MAGI3: variants seen among roughly 807,000 people sequenced by gnomAD.
MAGI3 encodes the protein membrane associated guanylate kinase, WW and PDZ domain containing 3.
MAGI3 carries 43 observed loss-of-function variants against 121.8 expected under a neutral mutation model. That is an observed-to-expected ratio of 0.35 (90% CI 0.28 to 0.46). The LOEUF (loss-of-function observed/expected upper bound fraction) is 0.46. Ranked by LOEUF, MAGI3 falls within the 20% of genes least tolerant of loss-of-function variation. The probability of loss-of-function intolerance (pLI) is 1.00; values close to 1 mark genes in which losing one functional copy is unlikely to be tolerated. For synonymous variants in MAGI3, 553 were observed against 639.3 expected (o/e 0.86, Z 2.04); for missense variants, 1,547 against 1,797.3 (o/e 0.86, Z 2.52).
chr1:113,629,753 TCTCTCTCTCCCTCCCTCC>T (rs1297707649), intron 9 of MAGI3, among the ~76,000 whole-genome samples: 4 of 117,322 alleles, frequency 3.4e-5, no homozygotes, highest in Non-Finnish European at 5.3e-5. Context: ...TCTCTCTCTC[TCTCTCTCTCCCTCCCTCC>T]CTCCCTCCCT....
intron 9 of MAGI3, among the ~76,000 whole-genome samples, chr1:113,631,835 T>G (rs1651652410): frequency 6.6e-6 from 1 of 152,224 alleles, no homozygotes; most frequent in African/African-American, 2.4e-5. Context: ...TTTCTATAGT[T>G]TCCTAAAGCC....
At chr1:113,652,288 A>G (rs1653215134) in intron 14 of MAGI3, among the ~76,000 whole-genome samples, 1 of 152,198 alleles carries the variant, frequency 6.6e-6, no homozygotes, top group South Asian at 2.1e-4. Flanking sequence ...ATGAATTTTT[A>G]TTTGTGTAGT....
intron 9 of MAGI3, among the ~76,000 whole-genome samples, chr1:113,632,671 T>A (rs566083362): frequency 6.6e-6 from 1 of 152,346 alleles, no homozygotes; most frequent in East Asian, 1.9e-4. Context: ...GCCTTGTCAG[T>A]GTCTTCAATA....
intron 8 of MAGI3, among the ~76,000 whole-genome samples, chr1:113,620,604 A>C (rs772363517): frequency 9.9e-5 from 15 of 152,208 alleles, no homozygotes; most frequent in Non-Finnish European, 1.9e-4. Flanking sequence ...GAGTTTAACA[A>C]ATACTTTTGA....
chr1:113,605,192 G>A (rs140282749), intron 6 of MAGI3, among the ~76,000 whole-genome samples: 71 of 152,114 alleles, frequency 4.7e-4, no homozygotes, highest in African/African-American at 1.6e-3. Flanking sequence ...GACTTAACTA[G>A]AATGATTATG....
At chr1:113,655,363 A>G (rs896356464) in intron 15 of MAGI3, among the ~76,000 whole-genome samples, 1 of 152,148 alleles carries the variant, frequency 6.6e-6, no homozygotes. Context: ...TTCTAGCACT[A>G]CAGAAATTTG....
chr1:113,391,219 C>T lies in MAGI3; in HGVS notation c.186C>T (p.Gly62=), dbSNP rs536135421. 1.3e-6 allele frequency: 2 copies of T among 1,556,614 alleles called. No individual in the cohort carries two copies. Among genetic ancestry groups the T allele is most frequent in the African/African-American group, 2.7e-5 (2 of 73,376 alleles). The part of the protein sequence containing the change: ...PGGGTCCVVS[G]KAPSPGDVLL... ...GGGGCACCTGCTGCGTCGTCTCGGG[C>T]AAGGCGCCCAGCCCAGGCGATGTGC... is the stretch of plus-strand genomic sequence containing the variant. The change falls in exon 1 of 21, where the codon GGC becomes GGT. Residue 62 remains glycine, a synonymous_variant. Transcript: ENST00000307546. This position sits in a 1 kb window ranked among gnomAD's most constrained non-coding sequence, Gnocchi z 4.4.
intron 1 of MAGI3, chr1:113,449,569 T>C: frequency 1.6e-6 from 1 of 624,354 alleles, no homozygotes; most frequent in Non-Finnish European, 2.8e-6. Flanking sequence ...AGATTCTGGA[T>C]AAATTATCTG....
At chr1:113,633,577 A>G (rs1423477754) in intron 9 of MAGI3, among the ~76,000 whole-genome samples, 1 of 152,092 alleles carries the variant, frequency 6.6e-6, no homozygotes, top group Non-Finnish European at 1.5e-5. Context: ...ATCATTTTTT[A>G]TGGCTGCATA....
At chr1:113,522,738 A>T (rs937549668) in intron 1 of MAGI3, among the ~76,000 whole-genome samples, 5 of 152,128 alleles carry the variant, frequency 3.3e-5, no homozygotes, top group Non-Finnish European at 5.9e-5. Context: ...GCTTGAACTA[A>T]TTTTTTACTT....
intron 1 of MAGI3, among the ~76,000 whole-genome samples, chr1:113,408,152 A>G (rs1011391103): frequency 5.9e-5 from 9 of 152,164 alleles, no homozygotes; most frequent in African/African-American, 2.2e-4. Context: ...CCGTACTTCA[A>G]AGTAATTCAG....
intron 3 of MAGI3, among the ~76,000 whole-genome samples, chr1:113,582,604 CTG>C (rs1335179128): frequency 1.3e-5 from 2 of 151,894 alleles, no homozygotes; most frequent in Non-Finnish European, 2.9e-5. Context: ...TGAAAATACT[CTG>C]TGAAGCTTTT....
intron 1 of MAGI3, among the ~76,000 whole-genome samples, chr1:113,507,444 A>G (rs1040499156): frequency 6.6e-6 from 1 of 152,188 alleles, no homozygotes; most frequent in Non-Finnish European, 1.5e-5. Flanking sequence ...GTTTGAGGGA[A>G]TAGATAATGC....
intron 1 of MAGI3, among the ~76,000 whole-genome samples, chr1:113,470,712 A>G (rs910666077): frequency 6.6e-6 from 1 of 152,046 alleles, no homozygotes; most frequent in African/African-American, 2.4e-5. Context: ...CCCTGATCTC[A>G]CTCAGTCCCT....
chr1:113,682,571 T>G (rs1253535941), intron 20 of MAGI3: 1 of 1,218,648 alleles, frequency 8.2e-7, no homozygotes. Flanking sequence ...GGCCACGTAA[T>G]TTGGTTCAGC....
At chr1:113,526,924 G>T (rs1658480907) in intron 1 of MAGI3, among the ~76,000 whole-genome samples, 2 of 152,198 alleles carry the variant, frequency 1.3e-5, no homozygotes, top group Admixed American at 1.3e-4. Context: ...CTGTCACTTA[G>T]TAGCTTTGTA....
At chr1:113,426,622 C>T (rs1420682470) in intron 1 of MAGI3, among the ~76,000 whole-genome samples, 1 of 152,096 alleles carries the variant, frequency 6.6e-6, no homozygotes, top group Admixed American at 6.5e-5. Flanking sequence ...AGTAGATTGA[C>T]CCTTTTATCA....
At chr1:113,444,990 T>C (rs573066041) in intron 1 of MAGI3, among the ~76,000 whole-genome samples, 5 of 152,198 alleles carry the variant, frequency 3.3e-5, no homozygotes, top group South Asian at 2.1e-4. Context: ...TAAAGGCATA[T>C]TTGAGCAGGC....
intron 1 of MAGI3, among the ~76,000 whole-genome samples, chr1:113,516,390 C>CAAAAAAATAAAAAA (rs1657906144): frequency 1.4e-5 from 1 of 70,996 alleles, no homozygotes. Context: ...GAAGTTCTCA[C>CAAAAAAATAAAAAA]AAAAAAAAAA....
Sources: gnomAD v4.1 joint callset for allele counts (sites outside exome capture counted in the v4.1 genomes callset) on GRCh38, gnomAD v4.1.1 for gene constraint, Gnocchi (gnomAD v3.1) non-coding constraint, MANE v1.5 for transcripts, NCBI Gene and HGNC (gene_info 2026-07-23, HGNC 2026-07-21) for gene names.